ZPBP: variants seen among roughly 807,000 people sequenced by gnomAD.
ZPBP encodes zona pellucida-binding protein 1.
In ZPBP, 26 loss-of-function variants were observed where a neutral mutation model predicts 44.8. The ratio of observed to expected loss-of-function variants is 0.58; its 90% confidence interval spans 0.43 to 0.81. The LOEUF (loss-of-function observed/expected upper bound fraction) is 0.81. ZPBP is among the 30% of genes least tolerant of loss of function. The probability of loss-of-function intolerance (pLI) is 0.00; values close to 1 mark genes in which losing one functional copy is unlikely to be tolerated. For synonymous variants in ZPBP, 174 were observed against 153.2 expected (o/e 1.14, Z -1.00); for missense variants, 409 against 434.0 (o/e 0.94, Z 0.51).
intron 2 of ZPBP, among the ~76,000 whole-genome samples, chr7:49,865,427 G>T (rs1790840580): frequency 6.6e-6 from 1 of 152,168 alleles, no homozygotes; most frequent in South Asian, 2.1e-4. Flanking sequence ...ATAACCAACC[G>T]CAAAACGTAG....
At chr7:50,003,454 T>C (rs1372981345) in intron 6 of ZPBP, among the ~76,000 whole-genome samples, 1 of 152,166 alleles carries the variant, frequency 6.6e-6, no homozygotes, top group Non-Finnish European at 1.5e-5. Flanking sequence ...CACAGTGCAG[T>C]TGAAGTGAGG....
intron 7 of ZPBP, among the ~76,000 whole-genome samples, chr7:49,980,545 C>A (rs1045502706): frequency 2.6e-5 from 4 of 151,488 alleles, no homozygotes; most frequent in Admixed American, 1.3e-4. Flanking sequence ...GTGAGGGCCT[C>A]GGGCTGCTTC....
intron 2 of ZPBP, among the ~76,000 whole-genome samples, chr7:49,859,019 A>G (rs2128719425): frequency 6.6e-6 from 1 of 152,250 alleles, no homozygotes; most frequent in Non-Finnish European, 1.5e-5. Context: ...TTGCTATCTG[A>G]TGGTTTTTAG....
intron 6 of ZPBP, 135 bp from the exon 7 acceptor site, chr7:49,983,654 TATAA>T (rs1797127586): frequency 1.7e-6 from 1 of 589,034 alleles, no homozygotes; most frequent in Non-Finnish European, 2.9e-6. Flanking sequence ...ACTCACAGAC[TATAA>T]ATAAAACACA....
At chr7:50,016,072 A>G (rs1435601137) in intron 6 of ZPBP, among the ~76,000 whole-genome samples, 31 of 152,204 alleles carry the variant, frequency 2.0e-4, no homozygotes, top group Admixed American at 2.0e-3. Context: ...GCACATACCC[A>G]AAGGAATATA....
At chr7:50,083,608 A>G (rs1802481375) in intron 2 of ZPBP, among the ~76,000 whole-genome samples, 1 of 151,972 alleles carries the variant, frequency 6.6e-6, no homozygotes, top group Non-Finnish European at 1.5e-5. Flanking sequence ...GAGATATATT[A>G]ACATTTACAC....
At chr7:49,944,781 G>T (rs957627538) in intron 7 of ZPBP, among the ~76,000 whole-genome samples, 4 of 151,692 alleles carry the variant, frequency 2.6e-5, no homozygotes, top group Non-Finnish European at 5.9e-5. Context: ...CTGGCTAAAG[G>T]TTTGTTGATT....
chr7:50,039,424 C>CA (rs909991195), intron 4 of ZPBP, among the ~76,000 whole-genome samples: 3 of 150,946 alleles, frequency 2.0e-5, no homozygotes, highest in Non-Finnish European at 3.0e-5. Context: ...AATCTACATG[C>CA]AAAAAAAACA....
At chr7:50,006,002 A>T (rs1034241335) in intron 6 of ZPBP, among the ~76,000 whole-genome samples, 2 of 151,886 alleles carry the variant, frequency 1.3e-5, no homozygotes, top group African/African-American at 4.8e-5. Flanking sequence ...AAAAAAGAGC[A>T]TACTAATATC....
chr7:49,933,796 G>A (rs978414188), downstream of ZPBP, among the ~76,000 whole-genome samples: 13 of 150,950 alleles, frequency 8.6e-5, no homozygotes, highest in South Asian at 6.3e-4. Context: ...GCAAACTATC[G>A]CAAGGACAAA....
intron 7 of ZPBP, among the ~76,000 whole-genome samples, chr7:49,966,114 A>T (rs1289410970): frequency 6.6e-6 from 1 of 152,164 alleles, no homozygotes; most frequent in Admixed American, 6.5e-5. Flanking sequence ...GAACTTAAAA[A>T]TACTTGAAAC....
intron 7 of ZPBP, among the ~76,000 whole-genome samples, chr7:49,956,415 A>C (rs1284113280): frequency 6.6e-6 from 1 of 152,036 alleles, no homozygotes; most frequent in Non-Finnish European, 1.5e-5. Flanking sequence ...TTTTTTGAAA[A>C]GTCTCCTAAA....
intron 7 of ZPBP, among the ~76,000 whole-genome samples, chr7:49,959,028 A>C (rs7785151): frequency 0.78 from 118,256 of 152,052 alleles, 46,162 homozygotes; most frequent in East Asian, 0.89. Flanking sequence ...GTTGGTTCAG[A>C]ATTAAAGAGT....
intron 2 of ZPBP, among the ~76,000 whole-genome samples, chr7:49,858,542 C>G (rs1463159473): frequency 9.5e-6 from 1 of 105,394 alleles, no homozygotes; most frequent in Non-Finnish European, 1.8e-5. Context: ...ACATCACACA[C>G]TGGGGCCTGT....
chr7:49,949,961 T>C (rs1795266630), intron 7 of ZPBP, among the ~76,000 whole-genome samples: 1 of 151,842 alleles, frequency 6.6e-6, no homozygotes. Flanking sequence ...CTGTGAAAAA[T>C]AGTCTGATAT....
intron 7 of ZPBP, among the ~76,000 whole-genome samples, chr7:49,968,040 A>G (rs1379070689): frequency 6.6e-6 from 1 of 152,092 alleles, no homozygotes; most frequent in Non-Finnish European, 1.5e-5. Context: ...AAGATAAAAT[A>G]TTTAATAGAG....
chr7:49,957,423 C>T (rs1795655088), intron 7 of ZPBP, among the ~76,000 whole-genome samples: 1 of 152,118 alleles, frequency 6.6e-6, no homozygotes, highest in South Asian at 2.1e-4. Flanking sequence ...CCTAGTGGGC[C>T]CTCAGGACAT....
intron 7 of ZPBP, among the ~76,000 whole-genome samples, chr7:49,960,629 T>C (rs1795831087): frequency 6.6e-6 from 1 of 152,140 alleles, no homozygotes; most frequent in Admixed American, 6.6e-5. Flanking sequence ...CATACTATTG[T>C]AAGGACTCTT....
At chr7:49,980,695 C>T (rs1392919426) in intron 7 of ZPBP, among the ~76,000 whole-genome samples, 2 of 152,042 alleles carry the variant, frequency 1.3e-5, no homozygotes, top group South Asian at 2.1e-4. Context: ...ACTCGGTCAC[C>T]CCGAGGGAGA....
Sources: allele counts gnomAD v4.1 joint callset (sites outside exome capture counted in the v4.1 genomes callset), GRCh38; gene constraint gnomAD v4.1.1; transcripts MANE v1.5; gene names NCBI Gene and HGNC (gene_info 2026-07-23, HGNC 2026-07-21).